The following KIAA0232 variants were observed in gnomAD, a reference collection of about 807,000 sequenced individuals.
The protein encoded by KIAA0232 is uncharacterized protein KIAA0232.
A neutral mutation model predicts 122.0 loss-of-function variants in KIAA0232; 27 were observed. That is an observed-to-expected ratio of 0.22 (90% CI 0.16 to 0.31). KIAA0232 has a LOEUF of 0.31. Among genes scored for constraint, KIAA0232 ranks in the 10% least tolerant of loss-of-function variants. The pLI, the probability that KIAA0232 is intolerant of heterozygous loss-of-function variation, is 1.00. For missense variants in KIAA0232, 1,551 were observed against 1,634.2 expected (o/e 0.95, Z 0.88); for synonymous variants, 613 against 587.6 (o/e 1.04, Z -0.63).
intron 7 of KIAA0232, among the ~76,000 whole-genome samples, chr4:6,866,787 G>A (rs1311541511): frequency 6.6e-6 from 1 of 152,184 alleles, no homozygotes; most frequent in Non-Finnish European, 1.5e-5. Context: ...CATGCCTGTT[G>A]CTAAAGTAGG....
intron 2 of KIAA0232, among the ~76,000 whole-genome samples, chr4:6,816,515 C>G (rs1237335015): frequency 6.6e-6 from 1 of 152,128 alleles, no homozygotes; most frequent in Non-Finnish European, 1.5e-5. Context: ...ATCTCCTGAC[C>G]TCGTGATCCA....
At chr4:6,878,416 A>C (rs80256859) in intron 9 of KIAA0232, among the ~76,000 whole-genome samples, 33 of 68,488 alleles carry the variant, frequency 4.8e-4, no homozygotes, top group Middle Eastern at 0.01. Flanking sequence ...TACATACATA[A>C]ATATATACAT....
In KIAA0232 at chr4:6,863,755, G is replaced by A. The variant is rs1721020485; in HGVS notation, c.3373G>A (p.Glu1125Lys). Reference protein sequence around the residue: ...ELSPGGGSESEFESEKDEANI... With the variant: ...ELSPGGGSESKFESEKDEANI... The stretch of plus-strand genomic sequence containing the variant: ...GTCCCCAGGAGGAGGAAGCGAGTCA[G>A]AATTTGAATCTGAGAAAGATGAAGC... Residue 1125 changes from glutamate to lysine, a missense_variant, in exon 7 of 10, where the codon GAA becomes AAA. Glu to Lys is a moderately conservative substitution (Grantham distance 56, BLOSUM62 1). This residue lies in a region of KIAA0232 where 1,108 missense variants were observed against 1,154.8 expected (regional missense o/e 0.96). Transcript: ENST00000307659. 1.9e-6 allele frequency: 3 copies of A among 1,614,072 alleles called. No individual in the cohort carries two copies. The highest frequency in any genetic ancestry group is 2.5e-6 in the Non-Finnish European group (3 of 1,180,040).
chr4:6,882,877 CAAAT>C lies in KIAA0232; in HGVS notation c.*1917_*1920del, dbSNP rs983050735. On this transcript the variant is annotated 3_prime_UTR_variant, in exon 10 of 10. Transcript: ENST00000307659. ...AAATCGTTGCTTGTGTAGCAAAGAC[CAAAT>C]AAATAGATTTCAGACACAACCTTGA... 6.6e-6 allele frequency: 1 copy of C among 152,574 alleles called. No individual in the cohort carries two copies. Among genetic ancestry groups the C allele is most frequent in the Non-Finnish European group, 1.5e-5 (1 of 68,018 alleles). 9.5% of individuals were successfully genotyped at this position (152,574 alleles called of 1,614,324 possible).
intron 6 of KIAA0232, among the ~76,000 whole-genome samples, chr4:6,859,861 A>AGTAT (rs1560198555): frequency 3.9e-5 from 6 of 152,150 alleles, no homozygotes; most frequent in Non-Finnish European, 8.8e-5. Flanking sequence ...TTCCTAGCAA[A>AGTAT]TCAAAAATAC....
rs1214501131 is a variant in KIAA0232, at chr4:6,832,725, C to T, written c.231+8041C>T. Among the ~76,000 whole-genome samples, 6 of 152,136 alleles carry T rather than the reference C, an allele frequency of 3.9e-5. No homozygotes were observed. In the East Asian group the frequency reaches 5.8e-4, roughly 15 times the overall value. Reference sequence around the variant, plus strand: ...AACAGTTCCTGGAATATACAAGAGGCTCAGATACGTATTAGACAAATGGAT... The same window carrying T: ...AACAGTTCCTGGAATATACAAGAGGTTCAGATACGTATTAGACAAATGGAT... On this transcript the variant is annotated intron_variant, in intron 3 of 9. Transcript: ENST00000307659.
At chr4:6,805,769 T>C (rs1356661344) in intron 2 of KIAA0232, among the ~76,000 whole-genome samples, 1 of 152,206 alleles carries the variant, frequency 6.6e-6, no homozygotes, top group Non-Finnish European at 1.5e-5. Context: ...GCTTTTTGCA[T>C]TTTCAAAAAG....
chr4:6,818,474 C>G (rs1214431160), intron 2 of KIAA0232, among the ~76,000 whole-genome samples: 1 of 145,464 alleles, frequency 6.9e-6, no homozygotes, highest in Admixed American at 7.4e-5. Context: ...GAGAACACTC[C>G]CATTTACAAT....
At chr4:6,872,144 G>A (rs1721527916) in intron 8 of KIAA0232, among the ~76,000 whole-genome samples, 1 of 152,204 alleles carries the variant, frequency 6.6e-6, no homozygotes, top group Non-Finnish European at 1.5e-5. Flanking sequence ...CATGCAGGAA[G>A]GGAATGCCGT....
intron 3 of KIAA0232, among the ~76,000 whole-genome samples, chr4:6,841,387 C>CA (rs1719654346): frequency 6.6e-6 from 1 of 152,182 alleles, no homozygotes; most frequent in Non-Finnish European, 1.5e-5. Flanking sequence ...TATTAATCTA[C>CA]AATATACTGA....
intron 3 of KIAA0232, among the ~76,000 whole-genome samples, chr4:6,828,241 G>C (rs1000784465): frequency 5.9e-5 from 9 of 152,162 alleles, no homozygotes; most frequent in Non-Finnish European, 1.3e-4. Context: ...GGATGCAGTG[G>C]GGTTTACCTG....
intron 4 of KIAA0232, among the ~76,000 whole-genome samples, chr4:6,849,501 A>G (rs1263289680): frequency 6.6e-6 from 1 of 152,230 alleles, no homozygotes. Flanking sequence ...CCATAATCCC[A>G]GCTACCTGGG....
At chr4:6,788,367 TC>T (rs2108858930) in intron 1 of KIAA0232, among the ~76,000 whole-genome samples, 1 of 152,290 alleles carries the variant, frequency 6.6e-6, no homozygotes, top group South Asian at 2.1e-4. Flanking sequence ...TCTGGCCACT[TC>T]CGTTATTGGC....
chr4:6,873,373 T>C (rs1721595311), intron 8 of KIAA0232, among the ~76,000 whole-genome samples: 1 of 152,178 alleles, frequency 6.6e-6, no homozygotes, highest in Non-Finnish European at 1.5e-5. Context: ...GAGCTTCCCT[T>C]CATGTGTGTC....
At chr4:6,828,224 A>G (rs1387913344) in intron 3 of KIAA0232, among the ~76,000 whole-genome samples, 1 of 152,154 alleles carries the variant, frequency 6.6e-6, no homozygotes, top group Admixed American at 6.6e-5. Flanking sequence ...CTTAAAAAAA[A>G]TTATCTGGAT....
At chr4:6,800,043 C>CTTTCTTTTTT (rs1717313307) in intron 1 of KIAA0232, among the ~76,000 whole-genome samples, 1 of 60,036 alleles carries the variant, frequency 1.7e-5, no homozygotes, top group Non-Finnish European at 3.6e-5. Flanking sequence ...TTCTTTCTTT[C>CTTTCTTTTTT]TTTTTTTTTT....
intron 2 of KIAA0232, among the ~76,000 whole-genome samples, chr4:6,820,583 C>A (rs1287636107): frequency 1.3e-5 from 2 of 152,178 alleles, no homozygotes; most frequent in East Asian, 3.8e-4. Context: ...AGTATTCTTA[C>A]ATTTCCCCAC....
intron 2 of KIAA0232, among the ~76,000 whole-genome samples, chr4:6,821,445 C>T (rs1315278517): frequency 1.3e-5 from 2 of 152,088 alleles, no homozygotes; most frequent in Non-Finnish European, 2.9e-5. Context: ...CATAGCTTAG[C>T]TCCCGCTTGT....
At chr4:6,850,691 C>T (rs1380583925) in intron 4 of KIAA0232, among the ~76,000 whole-genome samples, 2 of 146,912 alleles carry the variant, frequency 1.4e-5, no homozygotes, top group Non-Finnish European at 1.5e-5. Context: ...TTTTTTTAGA[C>T]GGAGTCTCGC....
Sources: allele counts gnomAD v4.1 joint callset (sites outside exome capture counted in the v4.1 genomes callset), GRCh38; gene constraint gnomAD v4.1.1; regional missense constraint gnomAD v4.1.1; transcripts MANE v1.5; gene names NCBI Gene and HGNC (gene_info 2026-07-23, HGNC 2026-07-21).